Variants in CCDC141 observed in about 807,000 individuals in gnomAD.
The protein encoded by CCDC141 is coiled-coil domain containing 141, also known as coiled-coil domain-containing protein 141.
Under a neutral mutation model 181.0 loss-of-function variants are expected in CCDC141, and 168 were observed. The ratio of observed to expected loss-of-function variants is 0.93; its 90% CI spans 0.82 to 1.05. The LOEUF is 1.05. CCDC141 is among the 50% of genes least tolerant of loss of function. The probability of loss-of-function intolerance (pLI) is 0.00; values close to 1 mark genes in which losing one functional copy is unlikely to be tolerated. For synonymous variants in CCDC141, 666 were observed against 642.3 expected (o/e 1.04, Z -0.56); for missense variants, 1,902 against 1,788.5 (o/e 1.06, Z -1.14).
At chr2:178,884,017 G>C (rs1224849911) in intron 11 of CCDC141, among the ~76,000 whole-genome samples, 1 of 151,954 alleles carries the variant, frequency 6.6e-6, no homozygotes, top group African/African-American at 2.4e-5. Context: ...AACTGCTAAG[G>C]TATTCAAAAA....
intron 5 of CCDC141, among the ~76,000 whole-genome samples, chr2:178,958,727 T>C (rs1480826879): frequency 6.6e-6 from 1 of 152,182 alleles, no homozygotes; most frequent in Non-Finnish European, 1.5e-5. Flanking sequence ...TTTTGTTTTT[T>C]TTACTACAGA....
At chr2:179,012,217 C>T (rs1478843745) in intron 2 of CCDC141, among the ~76,000 whole-genome samples, 5 of 151,920 alleles carry the variant, frequency 3.3e-5, no homozygotes, top group Admixed American at 6.6e-5. Context: ...TAAAATTGAT[C>T]GACCTTTAGC....
At chr2:178,986,754 G>C (rs368946547) in intron 2 of CCDC141, among the ~76,000 whole-genome samples, 1 of 151,762 alleles carries the variant, frequency 6.6e-6, no homozygotes, top group Admixed American at 6.6e-5. Flanking sequence ...GGAATCCAAC[G>C]TACAAGGGAT....
intron 17 of CCDC141, among the ~76,000 whole-genome samples, chr2:178,861,841 G>T (rs1359969901): frequency 6.6e-6 from 1 of 152,024 alleles, no homozygotes. Context: ...ATATAATGGA[G>T]TCCTTTTTAA....
At chr2:178,929,389 C>A (rs1185483446) in intron 6 of CCDC141, among the ~76,000 whole-genome samples, 1 of 152,056 alleles carries the variant, frequency 6.6e-6, no homozygotes, top group African/African-American at 2.4e-5. Flanking sequence ...TTCAACAATG[C>A]CTGTGAAACA....
intron 5 of CCDC141, among the ~76,000 whole-genome samples, chr2:178,952,663 A>G (rs540608058): frequency 6.6e-5 from 10 of 152,318 alleles, no homozygotes; most frequent in African/African-American, 2.4e-4. Context: ...GATCCTTTGC[A>G]TTTACTGTTG....
At chr2:178,835,342 A>G (rs1052312122) in intron 23 of CCDC141, among the ~76,000 whole-genome samples, 11 of 152,228 alleles carry the variant, frequency 7.2e-5, no homozygotes, top group Admixed American at 3.3e-4. Flanking sequence ...GTATTTATGC[A>G]ACTGTATTAT....
chr2:179,013,058 G>T (rs765010944), intron 2 of CCDC141, among the ~76,000 whole-genome samples: 1 of 152,054 alleles, frequency 6.6e-6, no homozygotes, highest in Non-Finnish European at 1.5e-5. Flanking sequence ...ACTGGAACAA[G>T]ACAAAAATGC....
chr2:178,872,751 G>GT (rs1288725848), intron 12 of CCDC141, among the ~76,000 whole-genome samples: 2 of 152,130 alleles, frequency 1.3e-5, no homozygotes, highest in African/African-American at 4.8e-5. Context: ...GGACTGTTTT[G>GT]TTTTTTCTTT....
At chr2:178,845,262 G>C (rs1238649964) in intron 22 of CCDC141, among the ~76,000 whole-genome samples, 2 of 152,116 alleles carry the variant, frequency 1.3e-5, no homozygotes, top group African/African-American at 4.8e-5. Context: ...TGATAAAAAG[G>C]GATAAGTAAA....
chr2:179,042,240 G>C (rs73044038), intron 2 of CCDC141, among the ~76,000 whole-genome samples: 7,197 of 152,264 alleles, frequency 0.047, 199 homozygotes, highest in Middle Eastern at 0.12. Flanking sequence ...AATCAAATTA[G>C]AAGTCAAGAT....
chr2:178,850,066 G>A lies in CCDC141; in HGVS notation c.3340C>T (p.Leu1114Phe), dbSNP rs1254799901. ...VTELCESLTE[L>F]EEKLKQGDVL... is the part of the protein sequence containing the mutation. The stretch of plus-strand genomic sequence containing the variant: ...GAAATTACCTTCAGTTTTTCTTCGA[G>A]CTCTGTGAGGGACTCACATAATTCA... Residue 1114 changes from leucine (L) to phenylalanine (F), a missense_variant, in exon 21 of 24, where the codon CTC becomes TTC. Leu to Phe is a conservative substitution (Grantham distance 22). Coordinates refer to ENST00000443758, the MANE Select transcript of CCDC141 (RefSeq NM_173648.4). 3.8e-6 allele frequency: 6 copies of A among 1,579,742 alleles called. No individual in the cohort carries two copies. The highest frequency in any genetic ancestry group is 5.2e-6 in the Non-Finnish European group (6 of 1,159,466).
chr2:178,958,878 C>G (rs1575267983), intron 5 of CCDC141, among the ~76,000 whole-genome samples: 1 of 132,264 alleles, frequency 7.6e-6, no homozygotes, highest in African/African-American at 2.8e-5. Context: ...CTTTGATGAG[C>G]TTTTTTTTTT....
At chr2:178,923,505 A>G (rs1406812784) in intron 6 of CCDC141, among the ~76,000 whole-genome samples, 2 of 152,202 alleles carry the variant, frequency 1.3e-5, no homozygotes, top group African/African-American at 2.4e-5. Flanking sequence ...GAGGAGCCCA[A>G]TGGAGAAAAT....
At chr2:178,870,729 C>A (rs908108667) in intron 14 of CCDC141, among the ~76,000 whole-genome samples, 6 of 152,170 alleles carry the variant, frequency 3.9e-5, no homozygotes, top group African/African-American at 1.4e-4. Flanking sequence ...TTGAAGCCCA[C>A]ATTTATGAAG....
At chr2:178,938,600 C>T (rs939524725) in intron 6 of CCDC141, among the ~76,000 whole-genome samples, 4 of 152,064 alleles carry the variant, frequency 2.6e-5, no homozygotes, top group South Asian at 2.1e-4. Flanking sequence ...CTGTAGATGT[C>T]TAATATATCC....
rs935046827 is a variant in CCDC141 at position 179,001,981 on chromosome 2, G to T, written c.226-23306C>A. ...TTACAGGTGTGCACCACCACACCTGGCTAATTTTTGTATTTTTAGTAGAGA... is the reference window on the plus strand; with the variant it reads ...TTACAGGTGTGCACCACCACACCTGTCTAATTTTTGTATTTTTAGTAGAGA... On this transcript the variant is annotated intron_variant, in intron 2 of 23. Coordinates refer to ENST00000443758, the MANE Select transcript of CCDC141 (RefSeq NM_173648.4). The T allele has an allele frequency of 5.6e-5, 9 of 159,840 alleles. No individual in the cohort carries two copies. The East Asian group carries it at 1.7e-3, about 30-fold the overall frequency. 9.9% of individuals were successfully genotyped at this position (159,840 alleles called of 1,614,324 possible).
chr2:178,938,372 ATGT>A (rs1689373744), intron 6 of CCDC141, among the ~76,000 whole-genome samples: 1 of 152,186 alleles, frequency 6.6e-6, no homozygotes, highest in East Asian at 1.9e-4. Context: ...ACTCAGGAGC[ATGT>A]TGTTTAATTT....
intron 22 of CCDC141, among the ~76,000 whole-genome samples, chr2:178,838,209 A>T (rs777814432): frequency 2.0e-5 from 3 of 152,210 alleles, no homozygotes; most frequent in Non-Finnish European, 4.4e-5. Flanking sequence ...CCTTTCTCTC[A>T]AGAAAACCAT....
Sources: allele counts gnomAD v4.1 joint callset (sites outside exome capture counted in the v4.1 genomes callset), GRCh38; gene constraint gnomAD v4.1.1; transcripts MANE v1.5; gene names NCBI Gene and HGNC (gene_info 2026-07-23, HGNC 2026-07-21).